SLC16A2: variants seen among roughly 807,000 people sequenced by gnomAD.
SLC16A2 encodes solute carrier family 16 member 2, also known as monocarboxylate transporter 8.
SLC16A2 carries 3 observed loss-of-function variants against 27.2 expected under a neutral mutation model. The ratio of observed to expected loss-of-function variants is 0.11; its 90% confidence interval spans 0.05 to 0.28. The LOEUF is 0.28. Among genes scored for constraint, SLC16A2 ranks in the 10% least tolerant of loss-of-function variants. SLC16A2 has a pLI of 1.00. For synonymous variants in SLC16A2, 202 were observed against 187.8 expected, an observed-to-expected ratio of 1.08 and a Z score of -0.62; for missense variants, 295 against 458.5, an observed-to-expected ratio of 0.64 and a Z score of 3.26.
chrX:74,509,878 G>C (rs771565547), intron 1 of SLC16A2, among the ~76,000 whole-genome samples: 50 of 112,308 alleles, frequency 4.5e-4, no homozygotes, highest in African/African-American at 1.5e-3. Flanking sequence ...ATCCTTTTTA[G>C]ATATTGTGGG....
intron 1 of SLC16A2, among the ~76,000 whole-genome samples, chrX:74,466,026 C>T (rs1274895627): frequency 9.0e-6 from 1 of 111,149 alleles, no homozygotes; most frequent in Non-Finnish European, 1.9e-5. Context: ...AAGAGAACTG[C>T]AAGCCCAGCA....
chrX:74,501,352 C>G (rs1259714279), intron 1 of SLC16A2, among the ~76,000 whole-genome samples: 2 of 111,156 alleles, frequency 1.8e-5, no homozygotes, highest in Non-Finnish European at 3.8e-5. Context: ...ACTTGTGCCC[C>G]AATGGACATG....
intron 1 of SLC16A2, among the ~76,000 whole-genome samples, chrX:74,470,394 C>T (rs1929333574): frequency 8.9e-6 from 1 of 111,803 alleles, no homozygotes; most frequent in Non-Finnish European, 1.9e-5. Context: ...TAAGAAACTG[C>T]CAGACTGTCC....
intron 5 of SLC16A2, among the ~76,000 whole-genome samples, chrX:74,529,969 T>G (rs1164096860): frequency 9.1e-6 from 1 of 109,420 alleles, no homozygotes; most frequent in Non-Finnish European, 1.9e-5. Context: ...AAGTGTTGAC[T>G]TGCCATCTTT....
chrX:74,531,025 C>A (rs1157912054), intron 5 of SLC16A2, among the ~76,000 whole-genome samples: 2 of 112,384 alleles, frequency 1.8e-5, no homozygotes, highest in Non-Finnish European at 3.8e-5. Flanking sequence ...CAACACTTGG[C>A]CATCTTCTGT....
chrX:74,423,745 G>T (rs1425406760), intron 1 of SLC16A2, among the ~76,000 whole-genome samples: 2 of 111,570 alleles, frequency 1.8e-5, no homozygotes, highest in African/African-American at 3.3e-5. Context: ...AAAGCAGGCA[G>T]TGTAGGGACT....
intron 1 of SLC16A2, among the ~76,000 whole-genome samples, chrX:74,469,474 T>C (rs1266650544): frequency 1.8e-5 from 2 of 112,170 alleles, no homozygotes; most frequent in Non-Finnish European, 3.8e-5. Context: ...TTTCTGTACA[T>C]CCTCACCAAC....
intron 1 of SLC16A2, among the ~76,000 whole-genome samples, chrX:74,427,927 C>G (rs750033731): frequency 1.4e-4 from 16 of 110,799 alleles, no homozygotes; most frequent in Non-Finnish European, 3.0e-4. Flanking sequence ...TTAGGTGTAC[C>G]AGAGGCTTCT....
intron 1 of SLC16A2, among the ~76,000 whole-genome samples, chrX:74,506,292 G>C (rs1930125356): frequency 8.9e-6 from 1 of 111,877 alleles, no homozygotes; most frequent in African/African-American, 3.3e-5. Flanking sequence ...GAGGAGACCT[G>C]AGACCTTGTC....
At chrX:74,495,492 G>T in intron 1 of SLC16A2, among the ~76,000 whole-genome samples, 1 of 109,314 alleles carries the variant, frequency 9.1e-6, no homozygotes, top group Non-Finnish European at 1.9e-5. Context: ...GTTGAAGGAG[G>T]CCTCTCAGCT....
At chrX:74,512,255 G>A (rs1930246239) in intron 1 of SLC16A2, among the ~76,000 whole-genome samples, 1 of 112,216 alleles carries the variant, frequency 8.9e-6, no homozygotes, top group Non-Finnish European at 1.9e-5. Flanking sequence ...TGGTGATGGG[G>A]CAGAAGCAAG....
chrX:74,437,449 C>G (rs893684451), intron 1 of SLC16A2, among the ~76,000 whole-genome samples: 13 of 112,196 alleles, frequency 1.2e-4, no homozygotes, highest in African/African-American at 4.2e-4. Flanking sequence ...CTTGGAGTCA[C>G]TATCAGTATC....
chrX:74,427,797 G>A (rs1294964787), intron 1 of SLC16A2, among the ~76,000 whole-genome samples: 1 of 82,077 alleles, frequency 1.2e-5, no homozygotes, highest in East Asian at 8.9e-4. Context: ...GCATGCGCAC[G>A]CGTGCACGCG....
At chrX:74,516,375 G>T (rs988006850) in intron 1 of SLC16A2, among the ~76,000 whole-genome samples, 1 of 111,964 alleles carries the variant, frequency 8.9e-6, no homozygotes, top group African/African-American at 3.2e-5. Context: ...TGTAAATTAG[G>T]TTTAACAGTT....
At chrX:74,477,592 T>G (rs1465790430) in intron 1 of SLC16A2, among the ~76,000 whole-genome samples, 1 of 112,354 alleles carries the variant, frequency 8.9e-6, no homozygotes, top group Non-Finnish European at 1.9e-5. Flanking sequence ...ATTTGAGATC[T>G]TTCCTGCTTT....
At chrX:74,499,189 G>T (rs777388225) in intron 1 of SLC16A2, among the ~76,000 whole-genome samples, 20 of 111,772 alleles carry the variant, frequency 1.8e-4, no homozygotes, top group African/African-American at 5.2e-4. Context: ...AGTTTAAAGA[G>T]AATCCCCTCA....
chrX:74,449,805 C>T (rs1928905334), intron 1 of SLC16A2, among the ~76,000 whole-genome samples: 1 of 111,834 alleles, frequency 8.9e-6, no homozygotes, highest in Non-Finnish European at 1.9e-5. Flanking sequence ...CTTGATTCAT[C>T]CTGGTTGTGA....
chrX:74,511,256 A>G (rs915046318), intron 1 of SLC16A2, among the ~76,000 whole-genome samples: 5 of 109,914 alleles, frequency 4.5e-5, no homozygotes, highest in East Asian at 2.9e-4. Context: ...ATCTCGGCTC[A>G]CTGAAAGCTC....
intron 4 of SLC16A2, 141 bp downstream of exon 4, chrX:74,526,034 C>G (rs940988123): frequency 2.9e-6 from 2 of 696,226 alleles, no homozygotes; most frequent in Admixed American, 5.5e-5. Flanking sequence ...ATTTCACCTG[C>G]TTTTAAACAA....
Sources: allele counts gnomAD v4.1 joint callset (sites outside exome capture counted in the v4.1 genomes callset), GRCh38; gene constraint gnomAD v4.1.1; transcripts MANE v1.5; gene names NCBI Gene and HGNC (gene_info 2026-07-23, HGNC 2026-07-21).